ZNF461: variants seen among roughly 807,000 people sequenced by gnomAD.
ZNF461 encodes zinc finger protein 461, also known as gonadotropin-inducible ovarian transcription factor-1.
ZNF461 carries 16 observed loss-of-function variants against 18.3 expected under a neutral mutation model. That is an observed-to-expected ratio of 0.88 (90% CI 0.59 to 1.33). The LOEUF is 1.33. Ranked by LOEUF, ZNF461 falls within the 40% of genes most tolerant of loss-of-function variation. ZNF461 has a pLI of 0.00. For synonymous variants in ZNF461, 179 were observed against 216.9 expected (o/e 0.83, Z 1.54); for missense variants, 595 against 669.9 (o/e 0.89, Z 1.23).
At chr19:36,642,196 T>G (rs536187425) in intron 5 of ZNF461, among the ~76,000 whole-genome samples, 3 of 152,158 alleles carry the variant, frequency 2.0e-5, no homozygotes. Flanking sequence ...CCCCTCGAAG[T>G]GCTGAGATTA....
At chr19:36,640,595 C>A (rs757307542) in intron 5 of ZNF461, among the ~76,000 whole-genome samples, 9 of 152,154 alleles carry the variant, frequency 5.9e-5, no homozygotes, top group Non-Finnish European at 1.0e-4. Context: ...TTATGTAATA[C>A]CATCTGAGTT....
intron 4 of ZNF461, among the ~76,000 whole-genome samples, chr19:36,646,500 T>TA (rs1184829944): frequency 7.2e-5 from 11 of 152,212 alleles, no homozygotes; most frequent in African/African-American, 2.7e-4. Context: ...CTTAAAGACT[T>TA]ACCTGATTAG....
chr19:36,647,919 T>C (rs376291287), intron 4 of ZNF461, among the ~76,000 whole-genome samples: 1 of 152,096 alleles, frequency 6.6e-6, no homozygotes, highest in Admixed American at 6.5e-5. Context: ...TGGTGGCTCA[T>C]GCCTGTAATC....
chr19:36,649,160 C>T (rs1297751429), intron 4 of ZNF461, among the ~76,000 whole-genome samples: 1 of 152,092 alleles, frequency 6.6e-6, no homozygotes, highest in African/African-American at 2.4e-5. Flanking sequence ...AATCACTTCT[C>T]ATACCAAAAA....
At chr19:36,659,524 T>C (rs2037781828) in intron 2 of ZNF461, among the ~76,000 whole-genome samples, 1 of 152,182 alleles carries the variant, frequency 6.6e-6, no homozygotes, top group East Asian at 1.9e-4. Context: ...CCTCCCACCT[T>C]GGCCTCCCAA....
chr19:36,646,001 T>C (rs1600421964), intron 4 of ZNF461, among the ~76,000 whole-genome samples: 1 of 151,726 alleles, frequency 6.6e-6, no homozygotes, highest in Non-Finnish European at 1.5e-5. Flanking sequence ...GCCAGGCTGG[T>C]CTGGAACTTC....
At chr19:36,660,170 T>A (rs1335532545) in intron 2 of ZNF461, among the ~76,000 whole-genome samples, 6 of 149,260 alleles carry the variant, frequency 4.0e-5, no homozygotes, top group South Asian at 4.2e-4. Flanking sequence ...TTTTTTTTTT[T>A]AAGCAGAATA....
At chr19:36,649,170 A>G (rs961517978) in intron 4 of ZNF461, among the ~76,000 whole-genome samples, 11 of 152,314 alleles carry the variant, frequency 7.2e-5, no homozygotes, top group African/African-American at 1.9e-4. Flanking sequence ...CATACCAAAA[A>G]CCAAGAAAAC....
chr19:36,663,403 G>C (rs1319348634), intron 2 of ZNF461, among the ~76,000 whole-genome samples: 1 of 151,864 alleles, frequency 6.6e-6, no homozygotes, highest in Non-Finnish European at 1.5e-5. Flanking sequence ...TCAGGTGTCT[G>C]GGTTTTTCTT....
intron 2 of ZNF461, among the ~76,000 whole-genome samples, chr19:36,662,790 TG>T (rs2037840697): frequency 2.6e-5 from 4 of 152,214 alleles, no homozygotes; most frequent in African/African-American, 9.6e-5. Context: ...TGGATATTAC[TG>T]TGGCCTCAGA....
At chr19:36,647,011 C>G (rs779765953) in intron 4 of ZNF461, among the ~76,000 whole-genome samples, 9 of 152,154 alleles carry the variant, frequency 5.9e-5, no homozygotes, top group Non-Finnish European at 1.2e-4. Flanking sequence ...AAGTTTGAGA[C>G]TGATAACTAT....
chr19:36,649,385 C>T (rs1309274650), intron 4 of ZNF461, among the ~76,000 whole-genome samples: 2 of 152,046 alleles, frequency 1.3e-5, no homozygotes, highest in Non-Finnish European at 1.5e-5. Context: ...GGCTGGAGTG[C>T]AATGGCATAA....
At chr19:36,652,725 G>A (rs1034951903) in intron 4 of ZNF461, among the ~76,000 whole-genome samples, 15 of 152,020 alleles carry the variant, frequency 9.9e-5, no homozygotes, top group Non-Finnish European at 2.2e-4. Context: ...AAATTACAGG[G>A]CAACCCGCTG....
At chr19:36,647,104 A>C (rs2037541774) in intron 4 of ZNF461, among the ~76,000 whole-genome samples, 1 of 152,254 alleles carries the variant, frequency 6.6e-6, no homozygotes, top group African/African-American at 2.4e-5. Flanking sequence ...GTTGACTATT[A>C]TGATTAGTGC....
rs557381795 is a variant in ZNF461, at chr19:36,637,149, T to G, written c.*1504A>C. On this transcript the variant is annotated 3_prime_UTR_variant, in exon 6 of 6. Coordinates refer to ENST00000588268, the MANE Select transcript of ZNF461 (RefSeq NM_153257.5). ...TTCGCTAAATCCAATAAATTGCATGTTAGAATGCATGTTAACATTATCTAT... is the reference window on the plus strand; with the variant it reads ...TTCGCTAAATCCAATAAATTGCATGGTAGAATGCATGTTAACATTATCTAT... The G allele has an allele frequency of 9.8e-5, 15 of 152,334 alleles. No individual in the cohort carries two copies. Among genetic ancestry groups the G allele is most frequent in the African/African-American group, 3.6e-4 (15 of 41,582 alleles). The allele number at this position is 152,334 out of a possible 1,614,324, so 9.4% of individuals were successfully genotyped here. A position where few individuals can be genotyped will look rare whatever the true frequency, so the allele number is the denominator to read the frequency against.
intron 4 of ZNF461, among the ~76,000 whole-genome samples, chr19:36,651,848 A>G (rs1212332973): frequency 6.6e-6 from 1 of 152,234 alleles, no homozygotes; most frequent in African/African-American, 2.4e-5. Flanking sequence ...ATATGGAAAG[A>G]AAAAGGTCCT....
chr19:36,661,882 TA>T (rs1409156943), intron 2 of ZNF461, among the ~76,000 whole-genome samples: 1 of 152,226 alleles, frequency 6.6e-6, no homozygotes, highest in Non-Finnish European at 1.5e-5. Flanking sequence ...TTTATTTATT[TA>T]TTTTTTTGAG....
At chr19:36,645,807 T>C (rs1568649597) in intron 4 of ZNF461, among the ~76,000 whole-genome samples, 1 of 152,166 alleles carries the variant, frequency 6.6e-6, no homozygotes, top group East Asian at 1.9e-4. Context: ...TTTTTTGAGA[T>C]GGAGTCTAGC....
At chr19:36,640,498 C>G (rs1600412106) in intron 5 of ZNF461, among the ~76,000 whole-genome samples, 1 of 152,138 alleles carries the variant, frequency 6.6e-6, no homozygotes, top group Non-Finnish European at 1.5e-5. Context: ...GAGAATAAAG[C>G]TGCCAATATA....
Sources: gnomAD v4.1 joint callset for allele counts (sites outside exome capture counted in the v4.1 genomes callset) on GRCh38, gnomAD v4.1.1 for gene constraint, MANE v1.5 for transcripts, NCBI Gene and HGNC (gene_info 2026-07-23, HGNC 2026-07-21) for gene names.